PYY: variants seen among roughly 807,000 people sequenced by gnomAD.
The protein encoded by PYY is peptide tyrosine tyrosine.
A neutral mutation model predicts 10.3 loss-of-function variants in PYY; 12 were observed. The ratio of observed to expected loss-of-function variants is 1.17; its 90% CI spans 0.75 to 1.89. The LOEUF (loss-of-function observed/expected upper bound fraction) is 1.89, where lower values mean the gene tolerates loss of function less well. PYY is among the 40% of genes most tolerant of loss of function. The probability of loss-of-function intolerance (pLI) is 0.00; values close to 1 mark genes in which losing one functional copy is unlikely to be tolerated. For missense variants in PYY, 141 were observed against 134.0 expected (o/e 1.05, Z -0.26); for synonymous variants, 66 against 62.0 (o/e 1.06, Z -0.30).
At chr17:43,997,500 G>C (rs1210462398) in intron 1 of PYY, among the ~76,000 whole-genome samples, 2 of 152,160 alleles carry the variant, frequency 1.3e-5, no homozygotes, top group Non-Finnish European at 2.9e-5. Flanking sequence ...GGTCCTCATG[G>C]CTGGTGAGGA....
intron 2 of PYY, among the ~76,000 whole-genome samples, chr17:43,962,655 G>T (rs1248640106): frequency 1.3e-5 from 2 of 152,198 alleles, no homozygotes; most frequent in African/African-American, 4.8e-5. Flanking sequence ...TTCCCCAGGG[G>T]CGGGTTTAAC....
intron 1 of PYY, among the ~76,000 whole-genome samples, chr17:43,989,008 C>A (rs182713008): frequency 6.6e-6 from 1 of 152,078 alleles, no homozygotes; most frequent in African/African-American, 2.4e-5. Flanking sequence ...GTGATCTGCC[C>A]GCCTCAGCCT....
chr17:43,977,781 C>G (rs2048858402), intron 1 of PYY, among the ~76,000 whole-genome samples: 1 of 152,096 alleles, frequency 6.6e-6, no homozygotes, highest in Admixed American at 6.6e-5. Flanking sequence ...TGTCCCAGAG[C>G]CTGGGGCTCC....
intron 1 of PYY, among the ~76,000 whole-genome samples, chr17:44,002,197 C>CCG (rs2049032598): frequency 1.3e-5 from 2 of 151,996 alleles, no homozygotes; most frequent in African/African-American, 2.4e-5. Context: ...GAGTCTCCCC[C>CCG]CCGGGACAGT....
intron 2 of PYY, 43 bp downstream of exon 2, chr17:43,953,253 C>G: frequency 6.2e-7 from 1 of 1,607,696 alleles, no homozygotes; most frequent in African/African-American, 1.3e-5. Flanking sequence ...AGCGGGGCCG[C>G]AGGGTGAGAG....
At chr17:43,957,000 C>T (rs2048676528), upstream of PYY, among the ~76,000 whole-genome samples, 1 of 151,912 alleles carries the variant, frequency 6.6e-6, no homozygotes, top group African/African-American at 2.4e-5. Flanking sequence ...GAGTTCAAGA[C>T]CAGCCTGGCC....
At chr17:43,974,525 A>G (rs1288693637) in intron 1 of PYY, among the ~76,000 whole-genome samples, 1 of 152,164 alleles carries the variant, frequency 6.6e-6, no homozygotes, top group Non-Finnish European at 1.5e-5. Flanking sequence ...TGGTTTTGTC[A>G]TCTGTGAAAA....
intron 1 of PYY, among the ~76,000 whole-genome samples, chr17:43,983,042 G>A (rs1435391683): frequency 6.6e-6 from 1 of 152,094 alleles, no homozygotes; most frequent in African/African-American, 2.4e-5. Context: ...GACCAGCCTG[G>A]CCAACATGGT....
chr17:43,992,681 T>G (rs1180475256), intron 1 of PYY, among the ~76,000 whole-genome samples: 2 of 152,040 alleles, frequency 1.3e-5, no homozygotes, highest in African/African-American at 4.8e-5. Flanking sequence ...CACTCCAGCC[T>G]GGGCAACAAG....
intron 1 of PYY, among the ~76,000 whole-genome samples, chr17:43,982,422 G>T (rs1181339062): frequency 2.6e-5 from 4 of 152,240 alleles, no homozygotes. Context: ...ATTGAGGAAG[G>T]ACAGTACACA....
chr17:43,953,819 T>C (rs1374095247), intron 1 of PYY, 31 bp downstream of exon 1: 1 of 209,544 alleles, frequency 4.8e-6, no homozygotes, highest in Non-Finnish European at 9.5e-6. Flanking sequence ...ACAGCCTGGG[T>C]TTCCCCAGGC....
At position 43,952,949 on chromosome 17, in the gene PYY, G is replaced by T. The variant is rs762724961; in HGVS notation, c.*7C>A. On this transcript the variant is annotated 3_prime_UTR_variant, in exon 4 of 4. Coordinates refer to ENST00000692052, the MANE Select transcript of PYY (RefSeq NM_001394028.1). ...TTGGCAGATCTCCCAGGAGGCCTCA[G>T]GGGTCCTCACCACAGGTCTGGGCCC... is the stretch of plus-strand genomic sequence containing the variant. 1.2e-5 allele frequency: 19 copies of T among 1,547,278 alleles called. No homozygotes were observed. In the East Asian group the frequency reaches 4.1e-4, roughly 33 times the overall value.
At chr17:43,980,848 G>A (rs1293432771) in intron 1 of PYY, among the ~76,000 whole-genome samples, 2 of 152,094 alleles carry the variant, frequency 1.3e-5, no homozygotes, top group Non-Finnish European at 2.9e-5. Flanking sequence ...GTTGTTGTGT[G>A]TACAGTTTGT....
chr17:43,960,976 C>T (rs2048708847), intron 2 of PYY, among the ~76,000 whole-genome samples: 1 of 151,680 alleles, frequency 6.6e-6, no homozygotes, highest in Middle Eastern at 3.2e-3. Flanking sequence ...AATCTCAGCA[C>T]TTTGGGAGGC....
intron 1 of PYY, among the ~76,000 whole-genome samples, chr17:43,981,897 A>G (rs1296802112): frequency 1.3e-5 from 2 of 152,080 alleles, no homozygotes; most frequent in African/African-American, 2.4e-5. Context: ...ATTTGTAAAC[A>G]TTCTATTTAT....
At chr17:43,963,905 T>C (rs1731890) in intron 2 of PYY, among the ~76,000 whole-genome samples, 105,050 of 152,088 alleles carry the variant, frequency 0.69, 36,913 homozygotes, top group African/African-American at 0.79. Context: ...TCCCACTACT[T>C]AGAAGGCTGT....
intron 1 of PYY, among the ~76,000 whole-genome samples, chr17:43,966,973 A>C (rs1055138032): frequency 6.6e-6 from 1 of 152,178 alleles, no homozygotes; most frequent in Non-Finnish European, 1.5e-5. Context: ...ACAGAAGGCT[A>C]TTCCTATCCC....
At chr17:43,982,841 T>C (rs2048892165) in intron 1 of PYY, among the ~76,000 whole-genome samples, 1 of 152,160 alleles carries the variant, frequency 6.6e-6, no homozygotes, top group South Asian at 2.1e-4. Flanking sequence ...ATAAGAGGGT[T>C]TCTTCTTCAG....
At chr17:43,974,217 C>T (rs1440651904) in intron 1 of PYY, among the ~76,000 whole-genome samples, 1 of 151,696 alleles carries the variant, frequency 6.6e-6, no homozygotes, top group Admixed American at 6.6e-5. Context: ...TCTTTTCTTC[C>T]CTCGCGCATT....
Sources: allele counts gnomAD v4.1 joint callset (sites outside exome capture counted in the v4.1 genomes callset), GRCh38; gene constraint gnomAD v4.1.1; transcripts MANE v1.5; gene names NCBI Gene and HGNC (gene_info 2026-07-23, HGNC 2026-07-21).